TANGO6: variants seen among roughly 807,000 people sequenced by gnomAD.
The protein encoded by TANGO6 is transport and golgi organization 6 homolog.
TANGO6 carries 90 observed loss-of-function variants against 114.2 expected under a neutral mutation model. That is an observed-to-expected ratio of 0.79 (90% CI 0.66 to 0.94). The LOEUF (loss-of-function observed/expected upper bound fraction) is 0.94. TANGO6 is among the 40% of genes least tolerant of loss of function. TANGO6 has a pLI of 0.00. For missense variants in TANGO6, 1,274 were observed against 1,315.3 expected (o/e 0.97, Z 0.49); for synonymous variants, 477 against 509.8 (o/e 0.94, Z 0.87).
At chr16:68,892,919 C>A (rs1377897897) in intron 7 of TANGO6, among the ~76,000 whole-genome samples, 1 of 152,220 alleles carries the variant, frequency 6.6e-6, no homozygotes, top group African/African-American at 2.4e-5. Context: ...TTCACTTCTT[C>A]AGCTTTCCCA....
intron 12 of TANGO6, among the ~76,000 whole-genome samples, chr16:68,923,482 G>T (rs1963124574): frequency 1.3e-5 from 2 of 152,168 alleles, no homozygotes; most frequent in Non-Finnish European, 2.9e-5. Context: ...TGCTGGTGAG[G>T]CGAATTGGTT....
chr16:68,874,182 A>G (rs1962322080), intron 4 of TANGO6, among the ~76,000 whole-genome samples: 2 of 152,192 alleles, frequency 1.3e-5, no homozygotes, highest in Admixed American at 1.3e-4. Flanking sequence ...AACTCTCTCT[A>G]CATGTAACTT....
intron 6 of TANGO6, among the ~76,000 whole-genome samples, chr16:68,879,900 G>A (rs1597002161): frequency 6.6e-6 from 1 of 151,714 alleles, no homozygotes; most frequent in Non-Finnish European, 1.5e-5. Context: ...ACAGGCGTGA[G>A]CCACCACACC....
intron 14 of TANGO6, among the ~76,000 whole-genome samples, chr16:68,944,415 C>T (rs1963391682): frequency 6.6e-6 from 1 of 152,124 alleles, no homozygotes; most frequent in Non-Finnish European, 1.5e-5. Flanking sequence ...TTCACCCAGG[C>T]CTCAACCTGG....
chr16:69,002,285 G>C (rs1449588000), intron 15 of TANGO6, among the ~76,000 whole-genome samples: 1 of 152,044 alleles, frequency 6.6e-6, no homozygotes, highest in Non-Finnish European at 1.5e-5. Flanking sequence ...TCCAAGAAAA[G>C]GCATAAAGCC....
chr16:68,905,107 G>A (rs1430504656), intron 9 of TANGO6, among the ~76,000 whole-genome samples: 2 of 152,004 alleles, frequency 1.3e-5, no homozygotes, highest in African/African-American at 4.8e-5. Flanking sequence ...GCGCATGCCT[G>A]TATTCCCAGC....
intron 14 of TANGO6, among the ~76,000 whole-genome samples, chr16:68,957,450 T>A (rs1963543370): frequency 6.7e-6 from 1 of 149,858 alleles, no homozygotes; most frequent in Admixed American, 6.8e-5. Flanking sequence ...CAGCCTGGAG[T>A]GCAGTGGTGC....
intron 16 of TANGO6, among the ~76,000 whole-genome samples, chr16:69,039,504 C>T (rs151240493): frequency 1.1e-4 from 17 of 151,866 alleles, no homozygotes; most frequent in East Asian, 7.8e-4. Context: ...GGCATGGTGG[C>T]GCACACCTGT....
At chr16:69,023,043 A>G in intron 16 of TANGO6, 64 bp downstream of exon 16, 2 of 1,453,990 alleles carry the variant, frequency 1.4e-6, no homozygotes, top group Non-Finnish European at 1.8e-6. Flanking sequence ...GCATCTTGAG[A>G]TTGGGAGTCA....
At chr16:68,878,080 CAA>C (rs758493706) in intron 5 of TANGO6, 36 bp from the exon 6 acceptor site, 3 of 1,566,612 alleles carry the variant, frequency 1.9e-6, no homozygotes, top group Non-Finnish European at 2.6e-6. Context: ...ATATTCCTTG[CAA>C]AAAACTGGTA....
intron 15 of TANGO6, among the ~76,000 whole-genome samples, chr16:68,984,545 G>C (rs1389669114): frequency 6.6e-6 from 1 of 151,362 alleles, no homozygotes; most frequent in African/African-American, 2.4e-5. Flanking sequence ...TTTCAAGCTA[G>C]GATCTTGCTC....
intron 15 of TANGO6, among the ~76,000 whole-genome samples, chr16:69,017,723 G>A (rs747379276): frequency 2.6e-5 from 4 of 152,082 alleles, no homozygotes; most frequent in African/African-American, 4.8e-5. Flanking sequence ...CCAGGGAAGC[G>A]AAGTGAATTG....
At chr16:68,906,777 G>A (rs1026789627) in intron 9 of TANGO6, among the ~76,000 whole-genome samples, 4 of 148,540 alleles carry the variant, frequency 2.7e-5, no homozygotes, top group Admixed American at 6.8e-5. Flanking sequence ...GGACATAACC[G>A]CCTAGTTTCT....
chr16:68,923,483 C>T (rs186228994), intron 12 of TANGO6, among the ~76,000 whole-genome samples: 3 of 152,104 alleles, frequency 2.0e-5, no homozygotes, highest in Admixed American at 1.3e-4. Flanking sequence ...GCTGGTGAGG[C>T]GAATTGGTTG....
At chr16:68,919,519 T>C (rs192783688) in intron 12 of TANGO6, among the ~76,000 whole-genome samples, 1 of 152,224 alleles carries the variant, frequency 6.6e-6, no homozygotes, top group Non-Finnish European at 1.5e-5. Context: ...AATACTAGAT[T>C]TTCTGGCTCT....
intron 15 of TANGO6, among the ~76,000 whole-genome samples, chr16:68,994,791 C>T (rs1963976868): frequency 6.6e-6 from 1 of 151,758 alleles, no homozygotes; most frequent in African/African-American, 2.4e-5. Flanking sequence ...CACCATGTTG[C>T]CCACGCTGAT....
intron 15 of TANGO6, among the ~76,000 whole-genome samples, chr16:69,008,999 C>G (rs932875601): frequency 2.0e-5 from 3 of 151,462 alleles, no homozygotes; most frequent in Non-Finnish European, 2.9e-5. Flanking sequence ...CAAGTTGTTC[C>G]AGCCTCATTC....
At chr16:68,928,187 A>T in intron 13 of TANGO6, 104 bp downstream of exon 13, 1 of 1,338,024 alleles carries the variant, frequency 7.5e-7, no homozygotes, top group South Asian at 1.6e-5. Flanking sequence ...GTTCTGGACC[A>T]CCCTCCAGAA....
At chr16:68,956,972 A>T (rs917465963) in intron 14 of TANGO6, among the ~76,000 whole-genome samples, 2 of 152,210 alleles carry the variant, frequency 1.3e-5, no homozygotes, top group Non-Finnish European at 2.9e-5. Flanking sequence ...GGGAATTAGA[A>T]TTTAAAATGT....
Sources: allele counts gnomAD v4.1 joint callset (sites outside exome capture counted in the v4.1 genomes callset), GRCh38; gene constraint gnomAD v4.1.1; transcripts MANE v1.5; gene names NCBI Gene and HGNC (gene_info 2026-07-23, HGNC 2026-07-21).